Variants in TMPRSS11F observed in about 807,000 individuals in gnomAD.
TMPRSS11F encodes the protein transmembrane serine protease 11F, also known as transmembrane protease serine 11F.
A neutral mutation model predicts 60.2 loss-of-function variants in TMPRSS11F; 47 were observed. The observed-to-expected ratio is 0.78, with a 90% CI of 0.62 to 1.00. TMPRSS11F has a LOEUF of 1.00. Ranked by LOEUF, TMPRSS11F falls within the 50% of genes least tolerant of loss-of-function variation. The pLI is 0.00. For synonymous variants in TMPRSS11F, 166 were observed against 167.3 expected, an observed-to-expected ratio of 0.99 and a Z score of 0.06; for missense variants, 519 against 522.9, an observed-to-expected ratio of 0.99 and a Z score of 0.07.
chr4:68,103,729 A>G (rs947255619), intron 1 of TMPRSS11F, among the ~76,000 whole-genome samples: 5 of 152,086 alleles, frequency 3.3e-5, no homozygotes, highest in Non-Finnish European at 7.4e-5. Context: ...ATTGTGTTAG[A>G]TCTATATATT....
chr4:68,115,350 C>T (rs1225216495), intron 1 of TMPRSS11F, among the ~76,000 whole-genome samples: 1 of 86,362 alleles, frequency 1.2e-5, no homozygotes, highest in Non-Finnish European at 2.2e-5. Context: ...GAGCAAGACA[C>T]CATCTCAAAA....
chr4:68,109,033 A>G (rs759400114), intron 1 of TMPRSS11F, among the ~76,000 whole-genome samples: 5 of 152,154 alleles, frequency 3.3e-5, no homozygotes. Flanking sequence ...CTTCCTGAGA[A>G]AGCTCCCCTC....
chr4:68,089,254 A>G (rs1254574639), intron 3 of TMPRSS11F, among the ~76,000 whole-genome samples: 1 of 152,172 alleles, frequency 6.6e-6, no homozygotes, highest in East Asian at 1.9e-4. Flanking sequence ...TAAATTTTAC[A>G]TCCCATGAAC....
At chr4:68,095,143 T>C (rs1040864622) in intron 2 of TMPRSS11F, among the ~76,000 whole-genome samples, 2 of 151,260 alleles carry the variant, frequency 1.3e-5, no homozygotes, top group East Asian at 1.9e-4. Flanking sequence ...TATATATATA[T>C]ACATCATCAT....
At chr4:68,123,317 C>CA (rs957147249) in intron 1 of TMPRSS11F, among the ~76,000 whole-genome samples, 5 of 151,952 alleles carry the variant, frequency 3.3e-5, no homozygotes, top group Non-Finnish European at 5.9e-5. Context: ...ATTAGTTGCC[C>CA]AAAAAGAATA....
chr4:68,097,476 A>G (rs1015607656), intron 2 of TMPRSS11F, among the ~76,000 whole-genome samples: 3 of 152,076 alleles, frequency 2.0e-5, no homozygotes, highest in Non-Finnish European at 4.4e-5. Flanking sequence ...GGACCCTTGC[A>G]GTTATATTTA....
intron 3 of TMPRSS11F, among the ~76,000 whole-genome samples, chr4:68,085,736 T>C (rs1723799492): frequency 6.6e-6 from 1 of 151,996 alleles, no homozygotes; most frequent in South Asian, 2.1e-4. Flanking sequence ...AGATCCGTCA[T>C]GCAAACAGAA....
intron 1 of TMPRSS11F, among the ~76,000 whole-genome samples, chr4:68,099,473 A>G (rs541073690): frequency 6.6e-6 from 1 of 152,214 alleles, no homozygotes; most frequent in Non-Finnish European, 1.5e-5. Context: ...AAATAAAAAA[A>G]TGGTGAATTG....
At chr4:68,073,914 C>G (rs1723530736) in intron 4 of TMPRSS11F, 28 bp downstream of exon 4, 1 of 1,448,064 alleles carries the variant, frequency 6.9e-7, no homozygotes, top group African/African-American at 1.4e-5. Flanking sequence ...ACAGTATTAA[C>G]TTGAAATTAT....
intron 9 of TMPRSS11F, among the ~76,000 whole-genome samples, chr4:68,058,284 T>C (rs1036391706): frequency 6.6e-6 from 1 of 152,226 alleles, no homozygotes; most frequent in African/African-American, 2.4e-5. Context: ...TAGCTTTACT[T>C]AACCATTCCA....
At chr4:68,069,330 A>G (rs1560395455) in intron 6 of TMPRSS11F, among the ~76,000 whole-genome samples, 1 of 152,132 alleles carries the variant, frequency 6.6e-6, no homozygotes, top group Non-Finnish European at 1.5e-5. Flanking sequence ...GAATCAATTT[A>G]TTGTGTTTGC....
chr4:68,070,335 T>C (rs1394514512), intron 5 of TMPRSS11F, among the ~76,000 whole-genome samples: 2 of 152,168 alleles, frequency 1.3e-5, no homozygotes, highest in African/African-American at 4.8e-5. Context: ...GGCTCCAGTA[T>C]AATCTGAGGC....
intron 8 of TMPRSS11F, 139 bp downstream of exon 8, chr4:68,064,546 T>C: frequency 1.0e-6 from 1 of 960,852 alleles, no homozygotes; most frequent in African/African-American, 1.7e-5. Flanking sequence ...TAACCCACAG[T>C]CTCCTGTTCT....
At position 68,062,997 on chromosome 4, in the gene TMPRSS11F, T is replaced by C. The variant is rs778682766; in HGVS notation, c.1015+1688A>G. 70 of 688,768 alleles carry C rather than the reference T, an allele frequency of 1.0e-4. 1 individual carries two copies. The highest frequency in any genetic ancestry group is 9.2e-4 in the South Asian group (68 of 73,868). The allele number at this position is 688,768 out of a possible 1,614,324, so 42.7% of individuals were successfully genotyped here. A position where few individuals can be genotyped will look rare whatever the true frequency, so the allele number is the denominator to read the frequency against. ...TCGAGAGACTGACATGCGGATGTAC[T>C]TTCACTACAAGACATTTCTGACACG... On this transcript the variant is annotated intron_variant, in intron 8 of 9. Coordinates refer to ENST00000356291, the MANE Select transcript of TMPRSS11F (RefSeq NM_207407.2).
chr4:68,095,713 T>C (rs35202997), intron 2 of TMPRSS11F, among the ~76,000 whole-genome samples: 58,502 of 151,674 alleles, frequency 0.39, 12,921 homozygotes, highest in Non-Finnish European at 0.52. Flanking sequence ...CTCACCAACA[T>C]GGTGAAACCC....
At chr4:68,091,767 CTCTCTCTCTCTCTCTCTATCTA>C (rs1157733349) in intron 2 of TMPRSS11F, among the ~76,000 whole-genome samples, 8 of 52,562 alleles carry the variant, frequency 1.5e-4, no homozygotes, top group African/African-American at 2.8e-4. Flanking sequence ...CTCTCTCTCT[CTCTCTCTCTCTCTCTCTATCTA>C]TCTATCTATC....
chr4:68,071,056 A>G (rs1446084893), intron 5 of TMPRSS11F, among the ~76,000 whole-genome samples: 1 of 152,208 alleles, frequency 6.6e-6, no homozygotes, highest in Non-Finnish European at 1.5e-5. Context: ...CTACAGCTGT[A>G]ACAACTCAGT....
Position 68,053,564 on chromosome 4 carries a change from AT to A in TMPRSS11F, c.*344del. On this transcript the variant is annotated 3_prime_UTR_variant, in exon 10 of 10. Coordinates refer to ENST00000356291, the MANE Select transcript of TMPRSS11F (RefSeq NM_207407.2). ...TGCTCCAGGTATTATATGAGGTAAGATTTTGGCATTACTGGCAGCTCTTCAT... is the reference window on the plus strand; with the variant it reads ...TGCTCCAGGTATTATATGAGGTAAGATTTGGCATTACTGGCAGCTCTTCAT... 5.7e-6 allele frequency: 1 copy of A among 176,108 alleles called. No individual in the cohort carries two copies. Among genetic ancestry groups the A allele is most frequent in the Non-Finnish European group, 1.2e-5 (1 of 84,044 alleles). 10.9% of individuals were successfully genotyped at this position (176,108 alleles called of 1,614,324 possible).
At chr4:68,102,162 T>C (rs1437129584) in intron 1 of TMPRSS11F, among the ~76,000 whole-genome samples, 1 of 152,186 alleles carries the variant, frequency 6.6e-6, no homozygotes, top group African/African-American at 2.4e-5. Context: ...TCTTGGTTTT[T>C]TGGGGGGCTC....
Sources: gnomAD v4.1 joint callset for allele counts (sites outside exome capture counted in the v4.1 genomes callset) on GRCh38, gnomAD v4.1.1 for gene constraint, MANE v1.5 for transcripts, NCBI Gene and HGNC (gene_info 2026-07-23, HGNC 2026-07-21) for gene names.